Variants in PLD5 observed in about 807,000 individuals in gnomAD.
PLD5 encodes the protein inactive phospholipase D5.
In PLD5, 36 loss-of-function variants were observed where a neutral mutation model predicts 61.1. The observed-to-expected ratio is 0.59, with a 90% CI of 0.45 to 0.78. The LOEUF is 0.78. Among genes scored for constraint, PLD5 ranks in the 30% least tolerant of loss-of-function variants. PLD5 has a pLI of 0.00. For synonymous variants in PLD5, 243 were observed against 242.8 expected (o/e 1.00, Z -0.01); for missense variants, 515 against 644.4 (o/e 0.80, Z 2.17).
chr1:242,466,326 G>A (rs770956927), intron 1 of PLD5, among the ~76,000 whole-genome samples: 2 of 152,096 alleles, frequency 1.3e-5, no homozygotes, highest in Non-Finnish European at 1.5e-5. Context: ...GAATAGAACT[G>A]TAGAAAAACG....
At chr1:242,436,140 G>C (rs1395422743) in intron 1 of PLD5, among the ~76,000 whole-genome samples, 3 of 152,128 alleles carry the variant, frequency 2.0e-5, no homozygotes, top group African/African-American at 7.2e-5. Context: ...AAACTTGTTG[G>C]TCACCAGCTT....
At chr1:242,463,841 C>G (rs1194489262) in intron 1 of PLD5, among the ~76,000 whole-genome samples, 3 of 151,986 alleles carry the variant, frequency 2.0e-5, no homozygotes, top group Non-Finnish European at 4.4e-5. Context: ...TTATTTTTCC[C>G]ATATTAAAAA....
Position 242,089,714 on chromosome 1 carries a change from T to A in PLD5, c.*140A>T. 2 of 1,057,952 alleles carry A rather than the reference T, an allele frequency of 1.9e-6. No homozygotes were observed. Among genetic ancestry groups the A allele is most frequent in the South Asian group, 3.1e-5 (2 of 64,072 alleles). The allele number at this position is 1,057,952 out of a possible 1,614,324, so 65.5% of individuals were successfully genotyped here. On this transcript the variant is annotated 3_prime_UTR_variant, in exon 10 of 10. Transcript: ENST00000536534. ...ACGCTAAGATATTGTTAGATAGGTATTATGTGTTGTTCAGAGAATATTTTT... is the reference window on the plus strand; with the variant it reads ...ACGCTAAGATATTGTTAGATAGGTAATATGTGTTGTTCAGAGAATATTTTT...
chr1:242,100,591 G>C (rs1356844103), intron 9 of PLD5, 77 bp downstream of exon 9: 1 of 1,057,300 alleles, frequency 9.5e-7, no homozygotes. Flanking sequence ...CCTCACCAGG[G>C]GATACCGTGG....
intron 1 of PLD5, among the ~76,000 whole-genome samples, chr1:242,470,768 G>A (rs1667426731): frequency 6.6e-6 from 1 of 152,190 alleles, no homozygotes; most frequent in Non-Finnish European, 1.5e-5. Context: ...TAAAACTCAT[G>A]TCTACCTTCA....
intron 9 of PLD5, among the ~76,000 whole-genome samples, chr1:242,100,213 T>C (rs1574292566): frequency 1.3e-5 from 2 of 152,114 alleles, no homozygotes; most frequent in Non-Finnish European, 2.9e-5. Context: ...GAGTGGGACA[T>C]TTGGAAGATA....
chr1:242,457,495 A>G (rs1249665701), intron 1 of PLD5, among the ~76,000 whole-genome samples: 1 of 152,206 alleles, frequency 6.6e-6, no homozygotes, highest in African/African-American at 2.4e-5. Context: ...AAAAGTTTCT[A>G]TTTTAACGTG....
At chr1:242,243,457 A>G (rs928255947) in intron 4 of PLD5, among the ~76,000 whole-genome samples, 1 of 152,252 alleles carries the variant, frequency 6.6e-6, no homozygotes, top group African/African-American at 2.4e-5. Flanking sequence ...AGATCTGTAC[A>G]TAATTCAGGA....
At chr1:242,119,593 A>G (rs1662214054) in intron 6 of PLD5, among the ~76,000 whole-genome samples, 1 of 152,218 alleles carries the variant, frequency 6.6e-6, no homozygotes, top group African/African-American at 2.4e-5. Flanking sequence ...ATGGCCGATA[A>G]GCACGTTAGA....
upstream of PLD5, among the ~76,000 whole-genome samples, chr1:242,527,541 A>G (rs1669476662): frequency 6.6e-6 from 1 of 152,238 alleles, no homozygotes. Flanking sequence ...ATGATCAAAA[A>G]TACTAGTCAA....
chr1:242,169,547 C>A (rs998453135), intron 5 of PLD5, among the ~76,000 whole-genome samples: 3 of 152,118 alleles, frequency 2.0e-5, no homozygotes, highest in Non-Finnish European at 2.9e-5. Context: ...TTTTTCCATA[C>A]CCCAGTGGTG....
rs533972692 is a variant in PLD5 at position 242,301,647 on chromosome 1, T to C, written c.327-13117A>G. Reference sequence around the variant, plus strand: ...GCGTTTATCTGTCATTAGTTTCTTATATAGTCACGCATTTTGGTTAACGGA... The same window carrying C: ...GCGTTTATCTGTCATTAGTTTCTTACATAGTCACGCATTTTGGTTAACGGA... On this transcript the variant is annotated intron_variant, in intron 2 of 9. Coordinates refer to ENST00000536534, the MANE Select transcript of PLD5 (RefSeq NM_001372062.1). Among the ~76,000 whole-genome samples the C allele has an allele frequency of 1.1e-4, 17 of 152,282 alleles. No homozygotes were observed. The South Asian group carries it at 3.3e-3, about 30-fold the overall frequency.
intron 1 of PLD5, chr1:242,377,226 G>A: frequency 6.2e-7 from 1 of 1,611,462 alleles, no homozygotes; most frequent in East Asian, 2.2e-5. Context: ...CTGGTAGGAA[G>A]AACCATCCGA....
chr1:242,118,571 A>C (rs1007372406), intron 6 of PLD5, among the ~76,000 whole-genome samples: 22 of 152,234 alleles, frequency 1.4e-4, no homozygotes, highest in African/African-American at 5.1e-4. Flanking sequence ...AACGAATGTG[A>C]AAGTGCTTCA....
At chr1:242,470,598 G>A (rs1225909172) in intron 1 of PLD5, among the ~76,000 whole-genome samples, 2 of 152,066 alleles carry the variant, frequency 1.3e-5, no homozygotes, top group Admixed American at 1.3e-4. Flanking sequence ...CACATAATAG[G>A]TGTTCAATTA....
chr1:242,113,654 G>GTAAAT (rs1661718547), intron 7 of PLD5, among the ~76,000 whole-genome samples: 1 of 152,148 alleles, frequency 6.6e-6, no homozygotes, highest in Non-Finnish European at 1.5e-5. Flanking sequence ...TTTCCATAAT[G>GTAAAT]TAAACTACTG....
chr1:242,148,153 T>A (rs773537731), intron 5 of PLD5, among the ~76,000 whole-genome samples: 1 of 151,936 alleles, frequency 6.6e-6, no homozygotes, highest in Non-Finnish European at 1.5e-5. Context: ...ATAGTTTTAG[T>A]ACTTATATTT....
chr1:242,293,818 A>G (rs944136609), intron 2 of PLD5, among the ~76,000 whole-genome samples: 1 of 152,188 alleles, frequency 6.6e-6, no homozygotes, highest in African/African-American at 2.4e-5. Flanking sequence ...CTTTACCCAG[A>G]CATGTTGATT....
At chr1:242,407,141 T>C (rs183452472) in intron 1 of PLD5, among the ~76,000 whole-genome samples, 1 of 152,160 alleles carries the variant, frequency 6.6e-6, no homozygotes, top group Non-Finnish European at 1.5e-5. Flanking sequence ...TGAGTAAGTC[T>C]CATGAGATCT....
Sources: allele counts gnomAD v4.1 joint callset (sites outside exome capture counted in the v4.1 genomes callset), GRCh38; gene constraint gnomAD v4.1.1; transcripts MANE v1.5; gene names NCBI Gene and HGNC (gene_info 2026-07-23, HGNC 2026-07-21).